Variants in PIEZO2 observed in about 807,000 individuals in gnomAD.
PIEZO2 encodes the protein piezo type mechanosensitive ion channel component 2.
A neutral mutation model predicts 337.3 loss-of-function variants in PIEZO2; 172 were observed. The ratio of observed to expected loss-of-function variants is 0.51; its 90% CI spans 0.45 to 0.58. The LOEUF (loss-of-function observed/expected upper bound fraction) is 0.58, where lower values mean the gene tolerates loss of function less well. PIEZO2 is among the 20% of genes least tolerant of loss of function. PIEZO2 has a pLI of 0.00. For synonymous variants in PIEZO2, 1,251 were observed against 1,228.5 expected (o/e 1.02, Z -0.38); for missense variants, 3,028 against 3,391.3 (o/e 0.89, Z 2.66).
rs1170477282 is a variant in PIEZO2, at chr18:10,671,851, G to GA, written c.8346-73dup. On this transcript the variant is annotated intron_variant, in intron 55 of 55. Transcript: ENST00000674853. ...TTAATAAAGAAAAGCATGTCTAAAA[G>GA]AAAAAAATATTACTTTCCCTCAAAT... The GA allele has an allele frequency of 6.8e-6, 9 of 1,314,288 alleles. No individual in the cohort carries two copies. In the Admixed American group the frequency reaches 1.6e-4, roughly 23 times the overall value. The allele number at this position is 1,314,288 out of a possible 1,614,324, so 81.4% of individuals were successfully genotyped here.
At chr18:10,948,632 T>C (rs907697282) in intron 3 of PIEZO2, among the ~76,000 whole-genome samples, 4 of 152,104 alleles carry the variant, frequency 2.6e-5, no homozygotes, top group Admixed American at 6.6e-5. Context: ...TCGAGTGCTG[T>C]GGGGTACTGT....
At chr18:10,835,794 T>C (rs1267495475) in intron 7 of PIEZO2, among the ~76,000 whole-genome samples, 1 of 152,266 alleles carries the variant, frequency 6.6e-6, no homozygotes, top group Non-Finnish European at 1.5e-5. Context: ...TCCGCCCACC[T>C]TGGCCTACGG....
chr18:10,879,095 C>T (rs2043398385), intron 4 of PIEZO2, among the ~76,000 whole-genome samples: 1 of 152,194 alleles, frequency 6.6e-6, no homozygotes, highest in African/African-American at 2.4e-5. Context: ...CAGTGCATAG[C>T]ATAAATATGT....
Position 10,791,195 on chromosome 18 carries a change from A to G in PIEZO2, c.1882+6T>C, listed in dbSNP as rs2039399911. On this transcript the variant is annotated splice_donor_region_variant and intron_variant, in intron 14 of 55. Transcript: ENST00000674853. ...ACTCTCCAGCCACACATATACACTA[A>G]TTTACCTTTTTCTTCATTTTCCTGA... 2 of 1,533,268 alleles carry G rather than the reference A, an allele frequency of 1.3e-6. No homozygotes were observed. The highest frequency in any genetic ancestry group is 1.4e-5 in the African/African-American group (1 of 72,824). The allele number at this position is 1,533,268 out of a possible 1,614,324, so 95.0% of individuals were successfully genotyped here.
intron 4 of PIEZO2, among the ~76,000 whole-genome samples, chr18:10,873,370 T>A (rs748137555): frequency 6.6e-6 from 1 of 152,310 alleles, no homozygotes; most frequent in African/African-American, 2.4e-5. Context: ...AAAAGCCACA[T>A]AGAGAACAGA....
chr18:11,052,039 G>A (rs1456299261), intron 2 of PIEZO2, among the ~76,000 whole-genome samples: 1 of 151,976 alleles, frequency 6.6e-6, no homozygotes, highest in Non-Finnish European at 1.5e-5. Context: ...CTCCTTATGT[G>A]GTATTCTTAG....
At chr18:10,735,646 C>G (rs2036966468) in intron 34 of PIEZO2, among the ~76,000 whole-genome samples, 1 of 152,142 alleles carries the variant, frequency 6.6e-6, no homozygotes, top group African/African-American at 2.4e-5. Context: ...AAGCCAGCTG[C>G]AAACATGCAC....
chr18:10,836,264 A>C (rs2041010628), intron 7 of PIEZO2, among the ~76,000 whole-genome samples: 2 of 151,832 alleles, frequency 1.3e-5, no homozygotes, highest in South Asian at 4.2e-4. Flanking sequence ...TAGTGAGTAG[A>C]CTCCTGTCTA....
chr18:10,872,389 AC>A lies in PIEZO2; in HGVS notation c.330-975del, dbSNP rs2042161290. On this transcript the variant is annotated intron_variant, in intron 4 of 55. Coordinates refer to ENST00000674853, the MANE Select transcript of PIEZO2 (RefSeq NM_001378183.1). The surrounding 1 kb of genome is among the most constrained non-coding windows in gnomAD (Gnocchi z 4.3). Reference sequence around the variant, plus strand: ...AGATCTGTCTGGGAAGGTAATACAAACGCCATCTGTGATTTTGGGAGGCGTC... The same window carrying A: ...AGATCTGTCTGGGAAGGTAATACAAAGCCATCTGTGATTTTGGGAGGCGTC... Among the ~76,000 whole-genome samples, 1 of 152,132 alleles carries A rather than the reference AC, an allele frequency of 6.6e-6. No individual in the cohort carries two copies. Among genetic ancestry groups the A allele is most frequent in the African/African-American group, 2.4e-5 (1 of 41,420 alleles).
chr18:10,800,833 T>C (rs2039787276), intron 10 of PIEZO2, among the ~76,000 whole-genome samples: 2 of 152,208 alleles, frequency 1.3e-5, no homozygotes, highest in Admixed American at 1.3e-4. Flanking sequence ...ACTGTCCACC[T>C]CTCAGCCATC....
intron 1 of PIEZO2, among the ~76,000 whole-genome samples, chr18:11,079,552 C>G (rs947068750): frequency 6.6e-6 from 1 of 152,182 alleles, no homozygotes; most frequent in Non-Finnish European, 1.5e-5. Flanking sequence ...TCCTAGGCCA[C>G]TTTGGAACAG....
Position 11,132,656 on chromosome 18 carries a change from GT to G in PIEZO2, c.64+15868del, listed in dbSNP as rs144950525. Among the ~76,000 whole-genome samples the G allele has an allele frequency of 0.016, 2,469 of 152,226 alleles. 63 individuals carry two copies. Among genetic ancestry groups the G allele is most frequent in the African/African-American group, 0.057 (2,357 of 41,540 alleles). On this transcript the variant is annotated intron_variant, in intron 1 of 55. Transcript: ENST00000674853. The surrounding 1 kb of genome is among the most constrained non-coding windows in gnomAD (Gnocchi z 4.7). ...ACGTTCTGCTGGCCTAGAGGTCTTA[GT>G]TCCAGAAGAAGGAGCACTGCCACCA... is the stretch of plus-strand genomic sequence containing the variant.
intron 1 of PIEZO2, among the ~76,000 whole-genome samples, chr18:11,090,839 G>GT (rs531344321): frequency 2.0e-5 from 3 of 151,510 alleles, no homozygotes; most frequent in African/African-American, 4.8e-5. Flanking sequence ...TGTGAACCCG[G>GT]GGGGGCAAAG....
At chr18:10,704,306 G>T in intron 42 of PIEZO2, 88 bp downstream of exon 42, 1 of 1,462,800 alleles carries the variant, frequency 6.8e-7, no homozygotes, top group South Asian at 1.4e-5. Context: ...GGGCAGGCCC[G>T]TCTCAAGAGA....
intron 3 of PIEZO2, among the ~76,000 whole-genome samples, chr18:10,944,517 GATATATAT>G (rs368272727): frequency 0.027 from 1,338 of 49,842 alleles, 28 homozygotes; most frequent in African/African-American, 0.082. Flanking sequence ...CTTAGTAACA[GATATATAT>G]ATATATATAT....
intron 1 of PIEZO2, among the ~76,000 whole-genome samples, chr18:11,067,891 T>G (rs935564841): frequency 2.0e-5 from 3 of 152,180 alleles, no homozygotes; most frequent in African/African-American, 7.2e-5. Flanking sequence ...GAACATTCTA[T>G]CCAACAGCAG....
At chr18:10,922,108 T>C (rs1238114000) in intron 3 of PIEZO2, among the ~76,000 whole-genome samples, 1 of 152,126 alleles carries the variant, frequency 6.6e-6, no homozygotes, top group East Asian at 1.9e-4. Context: ...CCTTGTGAAG[T>C]ACGTGATGTC....
Position 10,888,514 on chromosome 18 carries a change from G to C in PIEZO2, c.330-17099C>G, listed in dbSNP as rs772476063. Among the ~76,000 whole-genome samples the C allele has an allele frequency of 6.6e-6, 1 of 152,034 alleles. No homozygotes were observed. The highest frequency in any genetic ancestry group is 1.5e-5 in the Non-Finnish European group (1 of 68,006). On this transcript the variant is annotated intron_variant, in intron 4 of 55. Transcript: ENST00000674853. The surrounding 1 kb of genome is among the most constrained non-coding windows in gnomAD (Gnocchi z 4.1). ...CTTGGAGTAGCATTGTTACGGGGGCGACATTGCTTCTGGGTCCTCTTATTT... is the reference window on the plus strand; with the variant it reads ...CTTGGAGTAGCATTGTTACGGGGGCCACATTGCTTCTGGGTCCTCTTATTT...
At chr18:10,977,539 T>C (rs1000253857) in intron 3 of PIEZO2, among the ~76,000 whole-genome samples, 1 of 152,102 alleles carries the variant, frequency 6.6e-6, no homozygotes, top group Admixed American at 6.5e-5. Context: ...CTACTAACAT[T>C]ATTGTTGCTA....
Sources: allele counts gnomAD v4.1 joint callset (sites outside exome capture counted in the v4.1 genomes callset), GRCh38; gene constraint gnomAD v4.1.1; non-coding constraint Gnocchi (gnomAD v3.1); transcripts MANE v1.5; gene names NCBI Gene and HGNC (gene_info 2026-07-23, HGNC 2026-07-21).